ARK2N: variants seen among roughly 807,000 people sequenced by gnomAD.
ARK2N encodes the protein arkadia (RNF111) N-terminal like PKA signaling regulator 2N, also known as protein ARK2N.
At chr18:46,216,008 A>C in the ARK2N span, 1 of 1,614,122 alleles carries the variant, frequency 6.2e-7, no homozygotes, top group Non-Finnish European at 8.5e-7. This position sits in a 1 kb window ranked among gnomAD's most constrained non-coding sequence, Gnocchi z 4.3. Context: ...CAAGTTCAGA[A>C]AGATGGTGTA....
the ARK2N span, among the ~76,000 whole-genome samples, chr18:46,197,386 C>G: frequency 2.2e-4 from 34 of 152,186 alleles, no homozygotes; most frequent in East Asian, 6.0e-3. Flanking sequence ...AGGTGCCCAC[C>G]ACTACGCCAG....
At chr18:46,179,150 G>A in the ARK2N span, among the ~76,000 whole-genome samples, 3 of 151,996 alleles carry the variant, frequency 2.0e-5, no homozygotes, top group East Asian at 5.9e-4. Context: ...CACCCTGTTG[G>A]CCAGGCTGGT....
chr18:46,250,454 A>T, the ARK2N span, among the ~76,000 whole-genome samples: 1 of 135,732 alleles, frequency 7.4e-6, no homozygotes, highest in Admixed American at 7.9e-5. Flanking sequence ...ATGTTCTTTC[A>T]TTTGCCTAAT....
chr18:46,258,469 A>G, the ARK2N span, among the ~76,000 whole-genome samples: 1 of 152,316 alleles, frequency 6.6e-6, no homozygotes, highest in African/African-American at 2.4e-5. Context: ...CACACACTTC[A>G]TTTCCACTGT....
At chr18:46,235,017 G>A in the ARK2N span, among the ~76,000 whole-genome samples, 1 of 152,136 alleles carries the variant, frequency 6.6e-6, no homozygotes, top group Non-Finnish European at 1.5e-5. Context: ...CTTAGACTTA[G>A]CAATAGAAAG....
the ARK2N span, among the ~76,000 whole-genome samples, chr18:46,185,832 C>T: frequency 8.5e-5 from 13 of 152,106 alleles, 1 homozygote; most frequent in South Asian, 1.2e-3. Context: ...ACTAAAAATA[C>T]AAAAATTAGC....
chr18:46,216,701 T>G, the ARK2N span: 2 of 1,019,548 alleles, frequency 2.0e-6, no homozygotes, highest in Non-Finnish European at 2.8e-6. The surrounding 1 kb of genome is among the most constrained non-coding windows in gnomAD (Gnocchi z 4.3). Context: ...GACCTGCAGC[T>G]CTGTGTAAAT....
At chr18:46,247,348 C>T in the ARK2N span, among the ~76,000 whole-genome samples, 1 of 152,064 alleles carries the variant, frequency 6.6e-6, no homozygotes, top group Non-Finnish European at 1.5e-5. Context: ...ATATTGATGA[C>T]AGATATTTCA....
the ARK2N span, among the ~76,000 whole-genome samples, chr18:46,181,190 G>A: frequency 2.0e-5 from 3 of 152,114 alleles, no homozygotes; most frequent in Non-Finnish European, 4.4e-5. Flanking sequence ...AATCTGGGAG[G>A]TGAAAGTTGC....
the ARK2N span, among the ~76,000 whole-genome samples, chr18:46,227,386 A>G: frequency 6.6e-6 from 1 of 152,296 alleles, no homozygotes. Context: ...AATTACCAGT[A>G]ATAGACTGAA....
chr18:46,183,043 A>G, the ARK2N span, among the ~76,000 whole-genome samples: 1 of 151,834 alleles, frequency 6.6e-6, no homozygotes, highest in Non-Finnish European at 1.5e-5. Context: ...AGTCAGCTTC[A>G]CTGTTGAAGG....
chr18:46,199,508 G>A, the ARK2N span, among the ~76,000 whole-genome samples: 3 of 94,674 alleles, frequency 3.2e-5, no homozygotes, highest in East Asian at 8.8e-4. Context: ...TTTTTTTTTA[G>A]TAGAGGTGGG....
At chr18:46,245,573 T>TAAAAAA in the ARK2N span, among the ~76,000 whole-genome samples, 1 of 117,418 alleles carries the variant, frequency 8.5e-6, no homozygotes, top group Admixed American at 8.6e-5. Context: ...TCTGTCTCAA[T>TAAAAAA]AAAAAAAAAA....
At chr18:46,187,589 G>T in the ARK2N span, among the ~76,000 whole-genome samples, 2 of 152,056 alleles carry the variant, frequency 1.3e-5, no homozygotes, top group Non-Finnish European at 2.9e-5. Context: ...TGATCCGACC[G>T]CCTTGGCCTC....
chr18:46,212,990 A>ATTTTTTTTTT, the ARK2N span, among the ~76,000 whole-genome samples: 20 of 80,520 alleles, frequency 2.5e-4, 1 homozygote, highest in Non-Finnish European at 1.9e-4. Flanking sequence ...TTTAAGAAGA[A>ATTTTTTTTTT]TTTTTTTTTT....
the ARK2N span, among the ~76,000 whole-genome samples, chr18:46,210,451 C>G: frequency 2.6e-4 from 39 of 152,218 alleles, no homozygotes; most frequent in Non-Finnish European, 5.0e-4. Context: ...TGGGGTAGAT[C>G]AGAGATGATC....
At chr18:46,174,509 C>A in the ARK2N span, among the ~76,000 whole-genome samples, 2 of 151,994 alleles carry the variant, frequency 1.3e-5, no homozygotes, top group South Asian at 2.1e-4. Flanking sequence ...GAACTCGCAG[C>A]CTGGATTGCC....
At chr18:46,233,858 G>A in the ARK2N span, among the ~76,000 whole-genome samples, 12 of 152,064 alleles carry the variant, frequency 7.9e-5, no homozygotes, top group African/African-American at 2.9e-4. Context: ...TTTTAAAAAC[G>A]ACTTAATTCC....
At chr18:46,260,618 C>A in the ARK2N span, among the ~76,000 whole-genome samples, 1 of 152,140 alleles carries the variant, frequency 6.6e-6, no homozygotes. Flanking sequence ...TCAGCCATTC[C>A]TCAGTAGGAA....
Sources: gnomAD v4.1 joint callset for allele counts (sites outside exome capture counted in the v4.1 genomes callset) on GRCh38, gnomAD v4.1.1 for gene constraint, Gnocchi (gnomAD v3.1) non-coding constraint, MANE v1.5 for transcripts, NCBI Gene and HGNC (gene_info 2026-07-23, HGNC 2026-07-21) for gene names.